The following ZSWIM5 variants were observed in gnomAD, a reference collection of about 807,000 sequenced individuals.
ZSWIM5 encodes zinc finger SWIM-type containing 5, also known as zinc finger SWIM domain-containing protein 5.
A neutral mutation model predicts 119.6 loss-of-function variants in ZSWIM5; 55 were observed. The observed-to-expected ratio is 0.46, with a 90% CI of 0.37 to 0.58. The LOEUF (loss-of-function observed/expected upper bound fraction) is 0.58. Ranked by LOEUF, ZSWIM5 falls within the 20% of genes least tolerant of loss-of-function variation. The pLI, the probability that ZSWIM5 is intolerant of heterozygous loss-of-function variation, is 0.00. For synonymous variants in ZSWIM5, 537 were observed against 606.9 expected, an observed-to-expected ratio of 0.88 and a Z score of 1.69; for missense variants, 1,193 against 1,512.8, an observed-to-expected ratio of 0.79 and a Z score of 3.51.
intron 1 of ZSWIM5, among the ~76,000 whole-genome samples, chr1:45,100,884 T>C (rs947693798): frequency 1.3e-5 from 2 of 152,132 alleles, no homozygotes; most frequent in East Asian, 3.9e-4. Flanking sequence ...CCTTATACCT[T>C]ATACAAAAAT....
At chr1:45,035,845 A>G (rs769606411) in intron 9 of ZSWIM5, 22 bp from the exon 10 acceptor site, 3 of 1,611,400 alleles carry the variant, frequency 1.9e-6, no homozygotes, top group Non-Finnish European at 2.5e-6. Context: ...TAAGCCAGCC[A>G]GTTATTTATC....
chr1:45,018,973 C>A lies in ZSWIM5; in HGVS notation c.3039G>T (p.Pro1013=), dbSNP rs370890394. The part of the protein sequence containing the change: ...IARYMELRGY[P]LRAFKLASLA... ...ATGAGGCCAGCTTGAAGGCACGTAG[C>A]GGGTAGCCACGGAGCTCCATGTAGC... Residue 1013 remains proline (P), a synonymous_variant, in exon 14 of 14, where the codon CCG becomes CCT. Transcript: ENST00000359600. The surrounding 1 kb of genome is among the most constrained non-coding windows in gnomAD (Gnocchi z 6.7). The A allele has an allele frequency of 5.0e-6, 8 of 1,614,180 alleles. No homozygotes were observed. The highest frequency in any genetic ancestry group is 6.8e-6 in the Non-Finnish European group (8 of 1,180,028).
At chr1:45,166,052 G>A (rs1430678093) in intron 1 of ZSWIM5, among the ~76,000 whole-genome samples, 2 of 152,084 alleles carry the variant, frequency 1.3e-5, no homozygotes, top group Non-Finnish European at 2.9e-5. Context: ...GATGAACATC[G>A]ATGCGAAAAT....
intron 6 of ZSWIM5, among the ~76,000 whole-genome samples, 174 bp downstream of exon 6, chr1:45,043,045 A>G (rs560837182): frequency 6.6e-6 from 1 of 152,328 alleles, no homozygotes; most frequent in South Asian, 2.1e-4. Flanking sequence ...ACAACTGAGT[A>G]TACATGCAAA....
At chr1:45,044,927 G>A (rs1645045222) in intron 5 of ZSWIM5, among the ~76,000 whole-genome samples, 1 of 139,324 alleles carries the variant, frequency 7.2e-6, no homozygotes, top group Non-Finnish European at 1.5e-5. Flanking sequence ...CTTGAGCCCA[G>A]GAGGTTGAGG....
At chr1:45,191,477 C>T (rs1323303929) in intron 1 of ZSWIM5, among the ~76,000 whole-genome samples, 1 of 152,186 alleles carries the variant, frequency 6.6e-6, no homozygotes, top group African/African-American at 2.4e-5. Context: ...GGTTATGCCT[C>T]TTCTCCCTCA....
At chr1:45,071,108 T>C (rs946140751) in intron 2 of ZSWIM5, among the ~76,000 whole-genome samples, 2 of 152,248 alleles carry the variant, frequency 1.3e-5, no homozygotes, top group African/African-American at 4.8e-5. Context: ...AAGTATTTAT[T>C]CTTTGTGTTA....
At chr1:45,098,917 A>G (rs1645420333) in intron 1 of ZSWIM5, among the ~76,000 whole-genome samples, 1 of 152,248 alleles carries the variant, frequency 6.6e-6, no homozygotes. Context: ...AAGGAAATTT[A>G]TAGCACTAAA....
At chr1:45,155,591 G>A (rs1000835929) in intron 1 of ZSWIM5, among the ~76,000 whole-genome samples, 4 of 152,114 alleles carry the variant, frequency 2.6e-5, no homozygotes, top group African/African-American at 9.7e-5. Context: ...TTACGGCAGC[G>A]CTATAAACCT....
chr1:45,109,759 A>G (rs80140875), intron 1 of ZSWIM5, among the ~76,000 whole-genome samples: 1 of 146,508 alleles, frequency 6.8e-6, no homozygotes, highest in Non-Finnish European at 1.5e-5. Context: ...AAAAAAAAAG[A>G]ATGTTATTCC....
intron 1 of ZSWIM5, among the ~76,000 whole-genome samples, chr1:45,126,361 C>T (rs895714346): frequency 2.6e-5 from 4 of 152,012 alleles, no homozygotes; most frequent in Admixed American, 1.3e-4. Context: ...ACTACCAGCC[C>T]TGCAGACTTC....
chr1:45,130,118 G>A (rs534498103), intron 1 of ZSWIM5, among the ~76,000 whole-genome samples: 6 of 152,254 alleles, frequency 3.9e-5, no homozygotes, highest in African/African-American at 7.2e-5. Flanking sequence ...GGCTGGTCTC[G>A]AACTCCTGAC....
intron 5 of ZSWIM5, among the ~76,000 whole-genome samples, chr1:45,044,810 T>TATAA (rs1645042990): frequency 9.1e-5 from 1 of 10,994 alleles, no homozygotes; most frequent in African/African-American, 3.3e-4. Context: ...TATAAATATA[T>TATAA]ATATATATAT....
chr1:45,153,211 T>G, intron 1 of ZSWIM5, among the ~76,000 whole-genome samples: 1 of 151,050 alleles, frequency 6.6e-6, no homozygotes. Context: ...GAAAGCAGCT[T>G]GGAGATTTCT....
chr1:45,064,925 G>T (rs867270141), intron 2 of ZSWIM5, among the ~76,000 whole-genome samples: 8 of 152,198 alleles, frequency 5.3e-5, no homozygotes, highest in Middle Eastern at 6.8e-3. Context: ...TTGGTTTTAG[G>T]TCCCCTGAAG....
chr1:45,091,811 GC>G (rs1268379215), intron 1 of ZSWIM5, among the ~76,000 whole-genome samples: 1 of 152,110 alleles, frequency 6.6e-6, no homozygotes, highest in Admixed American at 6.5e-5. Flanking sequence ...TTCCCTTCCT[GC>G]ATGAAAACTG....
At chr1:45,125,483 C>CA (rs58335990) in intron 1 of ZSWIM5, among the ~76,000 whole-genome samples, 57,648 of 150,292 alleles carry the variant, frequency 0.38, 11,431 homozygotes, top group Middle Eastern at 0.54. Context: ...TGCTTTACAT[C>CA]AAAAAAAACA....
intron 1 of ZSWIM5, among the ~76,000 whole-genome samples, chr1:45,171,127 G>A (rs969087622): frequency 3.3e-5 from 5 of 152,070 alleles, no homozygotes; most frequent in Admixed American, 3.3e-4. Flanking sequence ...AATTCAACAT[G>A]AGGATTTATT....
intron 1 of ZSWIM5, among the ~76,000 whole-genome samples, chr1:45,170,854 G>A (rs912644694): frequency 1.3e-5 from 2 of 152,022 alleles, no homozygotes; most frequent in South Asian, 4.1e-4. Context: ...CCAAAGGGCT[G>A]GGAAAATAGG....
Sources: gnomAD v4.1 joint callset for allele counts (sites outside exome capture counted in the v4.1 genomes callset) on GRCh38, gnomAD v4.1.1 for gene constraint, Gnocchi (gnomAD v3.1) non-coding constraint, MANE v1.5 for transcripts, NCBI Gene and HGNC (gene_info 2026-07-23, HGNC 2026-07-21) for gene names.